Variants in IQCM observed in about 807,000 individuals in gnomAD.
The protein encoded by IQCM is IQ domain-containing protein M.
In IQCM, 45 loss-of-function variants were observed where a neutral mutation model predicts 57.6. That is an observed-to-expected ratio of 0.78 (90% CI 0.62 to 1.00). The LOEUF (loss-of-function observed/expected upper bound fraction) is 1.00, where lower values mean the gene tolerates loss of function less well. Among genes scored for constraint, IQCM ranks in the 50% least tolerant of loss-of-function variants. The pLI is 0.00. For missense variants in IQCM, 468 were observed against 511.6 expected, an observed-to-expected ratio of 0.91 and a Z score of 0.82; for synonymous variants, 148 against 158.9, an observed-to-expected ratio of 0.93 and a Z score of 0.51.
Position 149,553,242 on chromosome 4 carries a change from C to T in IQCM, c.994G>A (p.Gly332Ser). The change falls in exon 11 of 14, where the codon GGC becomes AGC. Residue 332 changes from glycine (G) to serine (S), a missense_variant. Gly to Ser is a moderately conservative substitution (Grantham distance 56, BLOSUM62 0). Coordinates refer to ENST00000636793, the MANE Select transcript of IQCM (RefSeq NM_001363507.2). ...PDMKAVINMY[G>S]RLIHRVRYRR... ...TATCTAACACGGTGGATTAGTCTGC[C>T]ATACATGTTAATAACTGCTTTCATA... The T allele has an allele frequency of 8.1e-7, 1 of 1,231,848 alleles. No homozygotes were observed. Among genetic ancestry groups the T allele is most frequent in the Non-Finnish European group, 1.0e-6 (1 of 987,762 alleles). 76.3% of individuals were successfully genotyped at this position (1,231,848 alleles called of 1,614,324 possible). A position where few individuals can be genotyped will look rare whatever the true frequency, so the allele number is the denominator to read the frequency against.
chr4:149,653,675 A>G (rs1040951475), intron 7 of IQCM, among the ~76,000 whole-genome samples: 1 of 152,082 alleles, frequency 6.6e-6, no homozygotes, highest in African/African-American at 2.4e-5. Context: ...TTTAAATCGG[A>G]TATCAAGCTG....
chr4:149,353,161 A>G (rs1419819591), intron 13 of IQCM, among the ~76,000 whole-genome samples: 1 of 152,210 alleles, frequency 6.6e-6, no homozygotes, highest in East Asian at 1.9e-4. Flanking sequence ...AGATTTAAAA[A>G]TGGACAACAG....
intron 13 of IQCM, among the ~76,000 whole-genome samples, chr4:149,401,333 T>A (rs571815954): frequency 1.8e-4 from 27 of 151,982 alleles, no homozygotes; most frequent in Middle Eastern, 3.4e-3. Flanking sequence ...ATATATTATT[T>A]AGAATGGTCT....
chr4:149,426,537 A>G (rs1419829404), intron 13 of IQCM, among the ~76,000 whole-genome samples: 1 of 151,994 alleles, frequency 6.6e-6, no homozygotes, highest in Non-Finnish European at 1.5e-5. Flanking sequence ...TAGGTGGTTC[A>G]GGCTCAGGGG....
At position 149,527,981 on chromosome 4, in the gene IQCM, G is replaced by C. The variant is rs866437622; in HGVS notation, c.1228+20474C>G. Among the ~76,000 whole-genome samples the C allele has an allele frequency of 9.4e-5, 6 of 63,790 alleles. No individual in the cohort carries two copies. In the South Asian group the frequency reaches 4.4e-3, roughly 47 times the overall value. The allele number at this position is 63,790 out of a possible 152,430, so 41.8% of individuals were successfully genotyped here. On this transcript the variant is annotated intron_variant, in intron 12 of 13. Transcript: ENST00000636793. Reference sequence around the variant, plus strand: ...GATATCTTCATGAGAGATTTATCTTGTTTTTTGTTTTTTTTTTTTTTTGAG... The same window carrying C: ...GATATCTTCATGAGAGATTTATCTTCTTTTTTGTTTTTTTTTTTTTTTGAG...
chr4:149,469,390 T>G (rs954606595), intron 12 of IQCM, among the ~76,000 whole-genome samples: 3 of 151,956 alleles, frequency 2.0e-5, no homozygotes, highest in Non-Finnish European at 4.4e-5. Context: ...GAAGATCAAA[T>G]GAATGAAATG....
intron 13 of IQCM, among the ~76,000 whole-genome samples, chr4:149,386,244 A>G (rs1038943755): frequency 1.3e-5 from 2 of 152,080 alleles, no homozygotes; most frequent in African/African-American, 4.8e-5. Flanking sequence ...ATGTACTTCA[A>G]TGGATGCCAG....
intron 7 of IQCM, among the ~76,000 whole-genome samples, chr4:149,641,167 A>G (rs929723150): frequency 6.6e-6 from 1 of 152,220 alleles, no homozygotes; most frequent in Non-Finnish European, 1.5e-5. Context: ...CTCAAATATT[A>G]AACTAACTAT....
intron 2 of IQCM, among the ~76,000 whole-genome samples, chr4:149,797,787 T>C (rs937077502): frequency 6.7e-6 from 1 of 148,916 alleles, no homozygotes; most frequent in Non-Finnish European, 1.5e-5. Flanking sequence ...ATATTTAAAA[T>C]GCTGAAGAAA....
chr4:149,677,710 A>T (rs960980231), intron 7 of IQCM, among the ~76,000 whole-genome samples: 1 of 151,956 alleles, frequency 6.6e-6, no homozygotes, highest in Non-Finnish European at 1.5e-5. Flanking sequence ...CCCTAATGAA[A>T]CAGCAATTGG....
At chr4:149,635,190 G>A (rs187452290) in intron 7 of IQCM, among the ~76,000 whole-genome samples, 240 of 152,168 alleles carry the variant, frequency 1.6e-3, no homozygotes, top group Non-Finnish European at 1.2e-3. Context: ...AGAAAGAATG[G>A]AACTGCATTA....
intron 12 of IQCM, among the ~76,000 whole-genome samples, chr4:149,462,778 T>C (rs889314608): frequency 4.6e-5 from 7 of 152,118 alleles, no homozygotes; most frequent in African/African-American, 2.4e-5. Flanking sequence ...TACACCACAG[T>C]TGGAGAGCAG....
intron 2 of IQCM, among the ~76,000 whole-genome samples, chr4:149,763,203 C>A (rs891909486): frequency 1.3e-5 from 2 of 151,942 alleles, no homozygotes; most frequent in South Asian, 2.1e-4. Flanking sequence ...ATTATACCAA[C>A]TAGTGTACAG....
chr4:149,450,236 G>C (rs975237540), intron 12 of IQCM, among the ~76,000 whole-genome samples: 1 of 151,760 alleles, frequency 6.6e-6, no homozygotes, highest in African/African-American at 2.4e-5. Flanking sequence ...TTAAATCTAA[G>C]ACCTCAAACT....
chr4:149,484,971 T>C (rs1456545437), intron 12 of IQCM, among the ~76,000 whole-genome samples: 1 of 152,116 alleles, frequency 6.6e-6, no homozygotes, highest in African/African-American at 2.4e-5. Context: ...TATACTAATC[T>C]AGGGTAAAAG....
chr4:149,616,958 C>CA (rs928475544), intron 8 of IQCM, among the ~76,000 whole-genome samples: 1 of 140,794 alleles, frequency 7.1e-6, no homozygotes, highest in Non-Finnish European at 1.6e-5. Flanking sequence ...TATCCTGGAA[C>CA]TTTTTTTTTT....
At position 149,622,554 on chromosome 4, in the gene IQCM, AG is replaced by A. The variant is rs1304350595; in HGVS notation, c.566-1311del. Among the ~76,000 whole-genome samples the A allele has an allele frequency of 5.9e-5, 9 of 152,270 alleles. No individual in the cohort carries two copies. The South Asian group carries it at 1.2e-3, about 21-fold the overall frequency. On this transcript the variant is annotated intron_variant, in intron 7 of 13. Transcript: ENST00000636793. ...GAGACGGGGTTTCACAGTGTTAGCCAGGATGGTCTCGAACTTAAAATTATTC... is the reference window on the plus strand; with the variant it reads ...GAGACGGGGTTTCACAGTGTTAGCCAGATGGTCTCGAACTTAAAATTATTC...
intron 8 of IQCM, among the ~76,000 whole-genome samples, chr4:149,601,188 A>G (rs1354779401): frequency 2.6e-5 from 3 of 116,054 alleles, no homozygotes; most frequent in Non-Finnish European, 5.3e-5. Context: ...GATTCAATAG[A>G]TCGGGCTGGG....
intron 12 of IQCM, among the ~76,000 whole-genome samples, chr4:149,473,518 G>A (rs1739825334): frequency 6.6e-6 from 1 of 152,142 alleles, no homozygotes; most frequent in African/African-American, 2.4e-5. Context: ...CAGTTTTACA[G>A]TGTTGGTGGG....
Sources: gnomAD v4.1 joint callset for allele counts (sites outside exome capture counted in the v4.1 genomes callset) on GRCh38, gnomAD v4.1.1 for gene constraint, MANE v1.5 for transcripts, NCBI Gene and HGNC (gene_info 2026-07-23, HGNC 2026-07-21) for gene names.